IFNLR1: variants seen among roughly 807,000 people sequenced by gnomAD.
IFNLR1 encodes CRF2-12.
In IFNLR1, 28 loss-of-function variants were observed where a neutral mutation model predicts 52.5. The observed-to-expected ratio is 0.53, with a 90% CI of 0.40 to 0.73. The LOEUF (loss-of-function observed/expected upper bound fraction) is 0.73, where lower values mean the gene tolerates loss of function less well. IFNLR1 is among the 30% of genes least tolerant of loss of function. The pLI is 0.00. For synonymous variants in IFNLR1, 276 were observed against 274.9 expected, an observed-to-expected ratio of 1.00 and a Z score of -0.04; for missense variants, 623 against 659.1, an observed-to-expected ratio of 0.95 and a Z score of 0.60.
intron 5 of IFNLR1, 95 bp downstream of exon 5, chr1:24,159,379 G>A (rs764249512): frequency 1.1e-5 from 15 of 1,324,054 alleles, no homozygotes; most frequent in Admixed American, 7.3e-5. Context: ...TAATCCAGGC[G>A]AGTCTATCTC....
At chr1:24,175,481 T>C (rs1056124044) in intron 2 of IFNLR1, among the ~76,000 whole-genome samples, 4 of 152,284 alleles carry the variant, frequency 2.6e-5, no homozygotes, top group Non-Finnish European at 5.9e-5. Context: ...ATCCCATGCA[T>C]GTCCCATCAC....
rs933301956 is a variant in IFNLR1, at chr1:24,181,977, T to A, written c.59-1123A>T. On this transcript the variant is annotated intron_variant, in intron 1 of 6. Transcript: ENST00000327535. ...ACTTTGGGAGGTCAAGGTGGGCAGA[T>A]CACCTGAGGTCAGGAATTCAAGACC... is the stretch of plus-strand genomic sequence containing the variant. Among the ~76,000 whole-genome samples the A allele has an allele frequency of 5.9e-5, 9 of 152,092 alleles. No individual in the cohort carries two copies. The East Asian group carries it at 1.7e-3, about 29-fold the overall frequency.
rs1199115217 is a variant in IFNLR1 at position 24,187,280 on chromosome 1, C to A, written c.-32G>T. The A allele has an allele frequency of 1.6e-6, 2 of 1,249,920 alleles. No homozygotes were observed. The highest frequency in any genetic ancestry group is 2.0e-6 in the Non-Finnish European group (2 of 993,506). The allele number at this position is 1,249,920 out of a possible 1,614,324, so 77.4% of individuals were successfully genotyped here. Reference sequence around the variant, plus strand: ...CCTGCCGCGGCGTCCCCGCCCGGGCCCAGGTCCCCGCCTCCCGCCTCCCGC... The same window carrying A: ...CCTGCCGCGGCGTCCCCGCCCGGGCACAGGTCCCCGCCTCCCGCCTCCCGC... On this transcript the variant is annotated 5_prime_UTR_variant, in exon 1 of 7. Transcript: ENST00000327535.
intron 3 of IFNLR1, among the ~76,000 whole-genome samples, chr1:24,167,266 A>G (rs564359378): frequency 3.7e-4 from 57 of 152,352 alleles, no homozygotes; most frequent in Admixed American, 7.8e-4. Context: ...TTGGGCCTTC[A>G]GACTCAGACA....
At chr1:24,169,051 G>A (rs901615049) in intron 3 of IFNLR1, among the ~76,000 whole-genome samples, 2 of 151,904 alleles carry the variant, frequency 1.3e-5, no homozygotes, top group Non-Finnish European at 1.5e-5. Context: ...GCCCAGAATT[G>A]GTTTTAAACA....
intron 4 of IFNLR1, 109 bp from the exon 5 acceptor site, chr1:24,159,742 T>TTTTTTTTTGTTTTA: frequency 1.0e-6 from 1 of 972,530 alleles, no homozygotes; most frequent in Non-Finnish European, 1.5e-6. Flanking sequence ...TTTTTGTTTT[T>TTTTTTTTTGTTTTA]TTTTTTTGTT....
chr1:24,159,738 T>TG, intron 4 of IFNLR1, 105 bp from the exon 5 acceptor site: 2 of 581,552 alleles, frequency 3.4e-6, no homozygotes, highest in Non-Finnish European at 4.9e-6. Flanking sequence ...TTTTTTTTTG[T>TG]TTTTTTTTTT....
intron 2 of IFNLR1, among the ~76,000 whole-genome samples, chr1:24,180,020 A>G (rs3897439): frequency 0.41 from 62,050 of 152,060 alleles, 13,275 homozygotes; most frequent in African/African-American, 0.52. Context: ...CATTTGGCCA[A>G]GCGCGGTGGC....
intron 3 of IFNLR1, among the ~76,000 whole-genome samples, chr1:24,168,143 C>G (rs1644538612): frequency 6.6e-6 from 1 of 152,094 alleles, no homozygotes; most frequent in Non-Finnish European, 1.5e-5. Flanking sequence ...CTCCTTCCTT[C>G]CCATTTTTCC....
At chr1:24,167,990 C>T (rs906364339) in intron 3 of IFNLR1, among the ~76,000 whole-genome samples, 1 of 152,186 alleles carries the variant, frequency 6.6e-6, no homozygotes, top group African/African-American at 2.4e-5. Context: ...AGCCACCGCG[C>T]CCGGCTGGCC....
At chr1:24,186,584 C>T (rs1405542042) in intron 1 of IFNLR1, among the ~76,000 whole-genome samples, 1 of 152,000 alleles carries the variant, frequency 6.6e-6, no homozygotes, top group Non-Finnish European at 1.5e-5. Context: ...CGGTTGGAGT[C>T]GTGGGCGGTG....
chr1:24,161,964 G>A (rs749115746), intron 3 of IFNLR1, among the ~76,000 whole-genome samples: 4 of 152,166 alleles, frequency 2.6e-5, no homozygotes, highest in Non-Finnish European at 5.9e-5. Context: ...CATCCCATCC[G>A]CCTGGGTGCC....
intron 1 of IFNLR1, 39 bp downstream of exon 1, chr1:24,187,152 G>T: frequency 1.5e-6 from 2 of 1,305,190 alleles, no homozygotes; most frequent in Non-Finnish European, 1.0e-6. Flanking sequence ...GGCCCGGGGA[G>T]CCCTCTTCCC....
At chr1:24,162,096 C>T (rs1225211032) in intron 3 of IFNLR1, among the ~76,000 whole-genome samples, 1 of 152,214 alleles carries the variant, frequency 6.6e-6, no homozygotes, top group Non-Finnish European at 1.5e-5. Flanking sequence ...TCACAGTTCT[C>T]TAGGTCAGAA....
At chr1:24,166,690 G>T (rs1436915393) in intron 3 of IFNLR1, among the ~76,000 whole-genome samples, 1 of 151,988 alleles carries the variant, frequency 6.6e-6, no homozygotes, top group Non-Finnish European at 1.5e-5. Context: ...GGGACCACAG[G>T]TGCCCACCAC....
intron 1 of IFNLR1, among the ~76,000 whole-genome samples, chr1:24,185,537 C>T (rs1464950650): frequency 6.6e-6 from 1 of 152,208 alleles, no homozygotes; most frequent in African/African-American, 2.4e-5. Context: ...ATGGCTGTCC[C>T]CAGCCTCGGC....
intron 3 of IFNLR1, among the ~76,000 whole-genome samples, chr1:24,168,790 C>T (rs1334380722): frequency 1.3e-5 from 2 of 152,106 alleles, no homozygotes; most frequent in South Asian, 2.1e-4. Context: ...GTCGCCCAGG[C>T]TGGAGTGCAG....
rs542231400 is a variant in IFNLR1, at chr1:24,167,783, C to T, written c.367+1634G>A. ...GATCTCAGCTCACTGCAAGCTCTGC[C>T]TCCTGGGTTCACGCCATCCTCCTGC... On this transcript the variant is annotated intron_variant, in intron 3 of 6. Transcript: ENST00000327535. Among the ~76,000 whole-genome samples, 77 of 152,232 alleles carry T rather than the reference C, an allele frequency of 5.1e-4. 2 individuals are homozygous for T. In the South Asian group the frequency reaches 9.1e-3, roughly 18 times the overall value.
Position 24,154,868 on chromosome 1 carries a change from G to C in IFNLR1, c.*2262C>G, listed in dbSNP as rs906422738. 1.3e-5 allele frequency: 2 copies of C among 152,188 alleles called. No individual in the cohort carries two copies. The highest frequency in any genetic ancestry group is 4.8e-5 in the African/African-American group (2 of 41,428). 9.4% of individuals were successfully genotyped at this position (152,188 alleles called of 1,614,324 possible). On this transcript the variant is annotated 3_prime_UTR_variant, in exon 7 of 7. Coordinates refer to ENST00000327535, the MANE Select transcript of IFNLR1 (RefSeq NM_170743.4). The stretch of plus-strand genomic sequence containing the variant: ...TGCAGTGAGCCGAGATTGTACCACT[G>C]CACTCCAGCCTAGGCAAAAAGAACA...
Sources: gnomAD v4.1 joint callset for allele counts (sites outside exome capture counted in the v4.1 genomes callset) on GRCh38, gnomAD v4.1.1 for gene constraint, MANE v1.5 for transcripts, NCBI Gene and HGNC (gene_info 2026-07-23, HGNC 2026-07-21) for gene names.